Variants in LIN7B observed in about 807,000 individuals in gnomAD.
LIN7B encodes lin-7 cell polarity scaffold B, also known as protein lin-7 homolog B.
In LIN7B, 16 loss-of-function variants were observed where a neutral mutation model predicts 27.9. The observed-to-expected ratio is 0.57, with a 90% CI of 0.39 to 0.87. LIN7B has a LOEUF of 0.87. LIN7B is among the 40% of genes least tolerant of loss of function. The pLI is 0.00. For synonymous variants in LIN7B, 147 were observed against 120.8 expected, an observed-to-expected ratio of 1.22 and a Z score of -1.42; for missense variants, 291 against 288.5, an observed-to-expected ratio of 1.01 and a Z score of -0.06.
rs762736305 is a variant in LIN7B, at chr19:49,117,930, C to A, written c.514C>A (p.Arg172Ser). 6.2e-7 allele frequency: 1 copy of A among 1,614,088 alleles called. No homozygotes were observed. The highest frequency in any genetic ancestry group is 8.5e-7 in the Non-Finnish European group (1 of 1,179,988). ...AAQGSVKLVV[R>S]YTPRVLEEME... ...CCAGGGCTCGGTGAAGCTGGTTGTCCGTTACACACCGCGAGTGCTGGAGGA... is the reference window on the plus strand; with the variant it reads ...CCAGGGCTCGGTGAAGCTGGTTGTCAGTTACACACCGCGAGTGCTGGAGGA... Residue 172 changes from arginine (R) to serine (S), a missense_variant, in exon 5 of 6, where the codon CGT becomes AGT. Arg to Ser is a moderately radical substitution (Grantham distance 110). Transcript: ENST00000221459.
At chr19:49,117,056 G>C (rs1484072429) in intron 4 of LIN7B, among the ~76,000 whole-genome samples, 1 of 151,924 alleles carries the variant, frequency 6.6e-6, no homozygotes, top group Admixed American at 6.6e-5. Flanking sequence ...GACCAGCCTG[G>C]CCAACATGGT....
chr19:49,116,025 G>T (rs1266058045), intron 3 of LIN7B: 4 of 402,070 alleles, frequency 9.9e-6, no homozygotes, highest in East Asian at 4.4e-5. Flanking sequence ...AAAAAAAAAA[G>T]TAAGATTGGC....
Position 49,116,324 on chromosome 19 carries a change from C to T in LIN7B, c.290C>T (p.Pro97Leu), listed in dbSNP as rs753219035. The T allele has an allele frequency of 1.9e-6, 3 of 1,614,130 alleles. No homozygotes were observed. In the South Asian group the frequency reaches 3.3e-5, roughly 18 times the overall value. The change falls in exon 4 of 6, where the codon CCC (proline) becomes CTC (leucine). Residue 97 changes from proline to leucine, a missense_variant. Transcript: ENST00000221459. ...GCACATCCCAGGGTAGTGGAGCTACCCAAGACGGATGAGGGCCTAGGCTTC... is the reference window on the plus strand; with the variant it reads ...GCACATCCCAGGGTAGTGGAGCTACTCAAGACGGATGAGGGCCTAGGCTTC... Reference protein sequence around the residue: ...GHAHPRVVELPKTDEGLGFNI... With the variant: ...GHAHPRVVELLKTDEGLGFNI...
Position 49,117,832 on chromosome 19 carries a change from GCTGT to G in LIN7B, c.439-18_439-15del. On this transcript the variant is annotated intron_variant, in intron 4 of 5. Coordinates refer to ENST00000221459, the MANE Select transcript of LIN7B (RefSeq NM_022165.3). ...ACGAGGGCAGCGGGCCCCAGGCTCA[GCTGT>G]CTGTGTTGGGCCCTGCAGAGCGTTG... 2 of 1,608,406 alleles carry G rather than the reference GCTGT, an allele frequency of 1.2e-6. No individual in the cohort carries two copies. Among genetic ancestry groups the G allele is most frequent in the Admixed American group, 1.7e-5 (1 of 59,892 alleles).
In LIN7B at chr19:49,117,983, C is replaced by G. The variant is rs1486159685; in HGVS notation, c.567C>G (p.Arg189=). The part of the protein sequence containing the change: ...EEMEARFEKM[R]SARRRQQHQS... ...TGGAGGCCCGGTTCGAGAAGATGCG[C>G]TCTGCCCGCCGGCGCCAACAGCATC... Residue 189 remains arginine (R), a synonymous_variant, in exon 5 of 6, where the codon CGC becomes CGG. Coordinates refer to ENST00000221459, the MANE Select transcript of LIN7B (RefSeq NM_022165.3). 1 of 1,614,020 alleles carries G rather than the reference C, an allele frequency of 6.2e-7. No individual in the cohort carries two copies. The highest frequency in any genetic ancestry group is 1.7e-5 in the Admixed American group (1 of 60,014).
rs145922952 is a variant in LIN7B, at chr19:49,116,793, G to A, written c.438+321G>A. On this transcript the variant is annotated intron_variant, in intron 4 of 5. Coordinates refer to ENST00000221459, the MANE Select transcript of LIN7B (RefSeq NM_022165.3). ...GTTTTGCAGAGTAAGGAACATTTGG[G>A]TTGGGTGTTAAAGGATGAGTAGGAG... Among the ~76,000 whole-genome samples, 1,459 of 152,330 alleles carry A rather than the reference G, an allele frequency of 9.6e-3. 20 individuals carry two copies. The highest frequency in any genetic ancestry group is 0.012 in the Non-Finnish European group (791 of 68,042).
At chr19:49,114,588 G>A in intron 1 of LIN7B, 147 bp downstream of exon 1, 1 of 592,610 alleles carries the variant, frequency 1.7e-6, no homozygotes, top group Non-Finnish European at 2.4e-6. Flanking sequence ...CCGGGCGGTC[G>A]CTAGGTGTGG....
At chr19:49,115,200 C>T (rs1009212) in intron 2 of LIN7B, 60 bp from the exon 3 acceptor site, 434,505 of 1,464,550 alleles carry the variant, frequency 0.3, 66,728 homozygotes, top group South Asian at 0.35. Context: ...GAGGCCTGAA[C>T]TCCTGCGTCT....
intron 2 of LIN7B, 24 bp downstream of exon 2, chr19:49,114,991 C>T (rs1324783453): frequency 2.2e-6 from 3 of 1,362,396 alleles, no homozygotes; most frequent in East Asian, 2.8e-5. Context: ...GGCGCAGGGG[C>T]GCGAGCTGGT....
At chr19:49,115,152 G>A in intron 2 of LIN7B, 108 bp from the exon 3 acceptor site, 1 of 1,030,668 alleles carries the variant, frequency 9.7e-7, no homozygotes, top group Non-Finnish European at 1.4e-6. Flanking sequence ...TGTTGCGGGG[G>A]CGGGGCGGAT....
rs1400433292 is a variant in LIN7B at position 49,117,871 on chromosome 19, A to G, written c.455A>G (p.Gln152Arg). 2.5e-6 allele frequency: 4 copies of G among 1,613,846 alleles called. No individual in the cohort carries two copies. The highest frequency in any genetic ancestry group is 3.4e-6 in the Non-Finnish European group (4 of 1,179,950). The change falls in exon 5 of 6, where the codon CAG becomes CGG. Residue 152 changes from glutamine (Q) to arginine (R), a missense_variant. Coordinates refer to ENST00000221459, the MANE Select transcript of LIN7B (RefSeq NM_022165.3). ...GCCCTGCAGAGCGTTGAGGGTGAGC[A>G]GCATGAGAAGGCGGTGGAGCTGCTG... ...SVNGVSVEGE[Q>R]HEKAVELLKA...
chr19:49,116,942 G>C lies in LIN7B; in HGVS notation c.438+470G>C, dbSNP rs202242258. ...TCTGATGGAGGTCTGGGGCATGCAG[G>C]TAATTAAAATCACTGTGGTTAGGCT... On this transcript the variant is annotated intron_variant, in intron 4 of 5. Coordinates refer to ENST00000221459, the MANE Select transcript of LIN7B (RefSeq NM_022165.3). Among the ~76,000 whole-genome samples, 14 of 152,166 alleles carry C rather than the reference G, an allele frequency of 9.2e-5. No individual in the cohort carries two copies. In the South Asian group the frequency reaches 1.7e-3, roughly 18 times the overall value.
chr19:49,118,196 G>C (rs1033717441), intron 5 of LIN7B, 156 bp from the exon 6 acceptor site: 6 of 1,308,246 alleles, frequency 4.6e-6, no homozygotes, highest in Non-Finnish European at 6.5e-6. Flanking sequence ...CCCCTGGGGA[G>C]CCCTTAGCTT....
rs1338646728 is a variant in LIN7B, at chr19:49,116,376, C to G, written c.342C>G (p.Asn114Lys). The G allele has an allele frequency of 1.2e-6, 2 of 1,614,250 alleles. No individual in the cohort carries two copies. The highest frequency in any genetic ancestry group is 2.2e-5 in the South Asian group (2 of 91,088). ...GFNIMGGKEQ[N>K]SPIYISRVIP... ...ACATCATGGGTGGCAAAGAGCAAAA[C>G]TCGCCCATCTACATCTCCCGGGTCA... Residue 114 changes from asparagine to lysine, a missense_variant, in exon 4 of 6, where the codon AAC becomes AAG. Transcript: ENST00000221459.
At position 49,117,875 on chromosome 19, in the gene LIN7B, T is replaced by G; in HGVS notation, c.459T>G (p.His153Gln). ...VNGVSVEGEQ[H>Q]EKAVELLKAA... ...TGCAGAGCGTTGAGGGTGAGCAGCA[T>G]GAGAAGGCGGTGGAGCTGCTGAAGG... is the stretch of plus-strand genomic sequence containing the variant. The change falls in exon 5 of 6, where the codon CAT becomes CAG. Residue 153 changes from histidine to glutamine, a missense_variant. By Grantham distance (24) the His-to-Gln change is conservative. Transcript: ENST00000221459. 6.2e-7 allele frequency: 1 copy of G among 1,613,060 alleles called. No homozygotes were observed. Among genetic ancestry groups the G allele is most frequent in the South Asian group, 1.1e-5 (1 of 91,018 alleles).
intron 3 of LIN7B, chr19:49,116,040 A>G: frequency 4.0e-6 from 2 of 504,582 alleles, no homozygotes; most frequent in East Asian, 3.3e-5. Flanking sequence ...ATTGGCAAGT[A>G]TGGGGTATTC....
chr19:49,116,041 T>G, intron 3 of LIN7B: 1 of 499,996 alleles, frequency 2.0e-6, no homozygotes, highest in Non-Finnish European at 3.5e-6. Context: ...TTGGCAAGTA[T>G]GGGGTATTCA....
Position 49,116,254 on chromosome 19 carries a change from C to G in LIN7B, c.229-9C>G, listed in dbSNP as rs1379069264. 6.2e-7 allele frequency: 1 copy of G among 1,608,294 alleles called. No individual in the cohort carries two copies. Among genetic ancestry groups the G allele is most frequent in the Non-Finnish European group, 8.5e-7 (1 of 1,176,074 alleles). On this transcript the variant is annotated splice_polypyrimidine_tract_variant and intron_variant, in intron 3 of 5. Transcript: ENST00000221459. ...GGGCCCTCATCTTCAGTCGCTTTCTCTCTCCCAGGCCACAGTGGCTGCCTT... is the reference window on the plus strand; with the variant it reads ...GGGCCCTCATCTTCAGTCGCTTTCTGTCTCCCAGGCCACAGTGGCTGCCTT...
chr19:49,114,854 T>C lies in LIN7B; in HGVS notation c.43T>C (p.Ser15Pro). The part of the protein sequence containing the change: ...VEPLGLERDV[S>P]RAVELLERLQ... ...GCCCCGCCCCCGCCCCGCAGACGTGTCCCGGGCGGTTGAGCTCCTCGAGCG... is the reference window on the plus strand; with the variant it reads ...GCCCCGCCCCCGCCCCGCAGACGTGCCCCGGGCGGTTGAGCTCCTCGAGCG... Residue 15 changes from serine (S) to proline (P), a missense_variant, in exon 2 of 6, where the codon TCC becomes CCC. Ser to Pro is a moderately conservative substitution (Grantham distance 74). Coordinates refer to ENST00000221459, the MANE Select transcript of LIN7B (RefSeq NM_022165.3). The C allele has an allele frequency of 6.9e-7, 1 of 1,457,394 alleles. No individual in the cohort carries two copies. The highest frequency in any genetic ancestry group is 9.0e-7 in the Non-Finnish European group (1 of 1,109,244). 90.3% of individuals were successfully genotyped at this position (1,457,394 alleles called of 1,614,324 possible).
Sources: allele counts gnomAD v4.1 joint callset (sites outside exome capture counted in the v4.1 genomes callset), GRCh38; gene constraint gnomAD v4.1.1; transcripts MANE v1.5; gene names NCBI Gene and HGNC (gene_info 2026-07-23, HGNC 2026-07-21).